Variants in E2F7 observed in about 807,000 individuals in gnomAD.
E2F7 encodes transcription factor E2F7.
Under a neutral mutation model 81.1 loss-of-function variants are expected in E2F7, and 35 were observed. The ratio of observed to expected loss-of-function variants is 0.43; its 90% CI spans 0.33 to 0.57. E2F7 has a LOEUF of 0.57. Among genes scored for constraint, E2F7 ranks in the 20% least tolerant of loss-of-function variants. The pLI, the probability that E2F7 is intolerant of heterozygous loss-of-function variation, is 0.04. For synonymous variants in E2F7, 416 were observed against 416.2 expected (o/e 1.00, Z 0.01); for missense variants, 961 against 1,093.7 (o/e 0.88, Z 1.71).
intron 6 of E2F7, chr12:77,044,429 C>G: frequency 1.6e-6 from 1 of 607,054 alleles, no homozygotes. Flanking sequence ...CTGAAACCAC[C>G]GAGGAAAAGG....
Position 77,033,908 on chromosome 12 carries a change from T to C in E2F7, c.1258A>G (p.Ile420Val), listed in dbSNP as rs1383913726. The C allele has an allele frequency of 3.1e-6, 5 of 1,613,918 alleles. No individual in the cohort carries two copies. Among genetic ancestry groups the C allele is most frequent in the Non-Finnish European group, 3.4e-6 (4 of 1,179,966 alleles). Residue 420 changes from isoleucine (I) to valine (V), a missense_variant, in exon 8 of 13, where the codon ATC becomes GTC. Transcript: ENST00000322886. Reference sequence around the variant, plus strand: ...GGTTCTGAGTTCACTTTCCTCTGGATCCTCTCAGAAGCCTGAACTGTGTTA... The same window carrying C: ...GGTTCTGAGTTCACTTTCCTCTGGACCCTCTCAGAAGCCTGAACTGTGTTA... ...SFNTVQASER[I>V]QRKVNSEPSS...
chr12:77,032,716 T>C (rs1253874466), intron 9 of E2F7, among the ~76,000 whole-genome samples: 2 of 152,204 alleles, frequency 1.3e-5, no homozygotes, highest in Non-Finnish European at 2.9e-5. Flanking sequence ...TGGTAGTTAG[T>C]GGCAAAACCA....
chr12:77,032,447 T>C (rs1954814926), intron 9 of E2F7, among the ~76,000 whole-genome samples: 1 of 152,224 alleles, frequency 6.6e-6, no homozygotes. Context: ...CTTTTCTAAT[T>C]ACTCTGTTTA....
intron 3 of E2F7, among the ~76,000 whole-genome samples, chr12:77,052,823 CA>C (rs61543636): frequency 8.0e-5 from 12 of 149,662 alleles, no homozygotes; most frequent in Admixed American, 4.0e-4. Context: ...ATCAACATGA[CA>C]AAAAAAAACC....
intron 4 of E2F7, among the ~76,000 whole-genome samples, chr12:77,047,594 C>A (rs539428707): frequency 1.4e-4 from 21 of 152,304 alleles, no homozygotes; most frequent in African/African-American, 5.1e-4. Flanking sequence ...GTTATATAAT[C>A]AGGGCAGACT....
chr12:77,050,734 A>C lies in E2F7; in HGVS notation c.380T>G (p.Val127Gly), dbSNP rs763032704. Residue 127 changes from valine to glycine, a missense_variant, in exon 4 of 13, where the codon GTT (valine) becomes GGT (glycine). Physicochemically the swap from Val to Gly is moderately radical, Grantham distance 109 (BLOSUM62 -3). This residue lies in a region of E2F7 where 301 missense variants were observed against 405.0 expected (regional missense o/e 0.74). Coordinates refer to ENST00000322886, the MANE Select transcript of E2F7 (RefSeq NM_203394.3). ...AFTDSLQLDV[V>G]GDSAVDEFEK... ...AAATTCGTCCACAGCACTGTCCCCA[A>C]CAACATCAAGCTACAGAGGGCAGAT... The C allele has an allele frequency of 9.3e-6, 15 of 1,613,334 alleles. No individual in the cohort carries two copies. Among genetic ancestry groups the C allele is most frequent in the Non-Finnish European group, 1.2e-5 (14 of 1,179,642 alleles).
At chr12:77,028,494 G>GTC (rs1954777763) in intron 10 of E2F7, among the ~76,000 whole-genome samples, 1 of 149,726 alleles carries the variant, frequency 6.7e-6, no homozygotes, top group Non-Finnish European at 1.5e-5. Context: ...TTGAGACAGA[G>GTC]TCTCGCTCTG....
At chr12:77,048,932 T>C (rs1206332287) in intron 4 of E2F7, among the ~76,000 whole-genome samples, 1 of 152,178 alleles carries the variant, frequency 6.6e-6, no homozygotes, top group African/African-American at 2.4e-5. Flanking sequence ...ATGGAAGAAG[T>C]AGGCTTCATG....
intron 1 of E2F7, among the ~76,000 whole-genome samples, chr12:77,065,137 G>C (rs1475264555): frequency 6.6e-6 from 1 of 152,210 alleles, no homozygotes; most frequent in Non-Finnish European, 1.5e-5. Context: ...AAAGCTCCAA[G>C]TTGTGGGGAA....
At chr12:77,033,222 C>T in intron 8 of E2F7, 100 bp from the exon 9 acceptor site, 1 of 1,057,548 alleles carries the variant, frequency 9.5e-7, no homozygotes, top group Non-Finnish European at 1.4e-6. Flanking sequence ...ATTCTCAGCT[C>T]AAAGATTACT....
intron 12 of E2F7, among the ~76,000 whole-genome samples, chr12:77,025,294 C>A (rs310832): frequency 6.6e-6 from 1 of 152,096 alleles, no homozygotes; most frequent in East Asian, 1.9e-4. Context: ...AAAATCCCCC[C>A]GAACTATGCC....
rs1414710662 is a variant in E2F7, at chr12:77,022,520, AT to A, written c.*1494del. On this transcript the variant is annotated 3_prime_UTR_variant, in exon 13 of 13. Coordinates refer to ENST00000322886, the MANE Select transcript of E2F7 (RefSeq NM_203394.3). ...GACTCCCAGAGTCTCTTAAATTAAT[AT>A]TTTCATTCTTTCATATAACATTTTA... The A allele has an allele frequency of 1.3e-5, 2 of 152,514 alleles. No homozygotes were observed. The highest frequency in any genetic ancestry group is 2.9e-5 in the Non-Finnish European group (2 of 68,016). The allele number at this position is 152,514 out of a possible 1,614,324, so 9.4% of individuals were successfully genotyped here.
chr12:77,025,028 G>T (rs372904113), intron 12 of E2F7, among the ~76,000 whole-genome samples: 1 of 146,052 alleles, frequency 6.8e-6, no homozygotes, highest in East Asian at 1.9e-4. Flanking sequence ...TGTTTTCTGC[G>T]TATGTATAGA....
intron 2 of E2F7, among the ~76,000 whole-genome samples, chr12:77,060,233 T>C (rs1254394459): frequency 1.3e-5 from 2 of 151,970 alleles, no homozygotes; most frequent in East Asian, 1.9e-4. Flanking sequence ...TCCATTAGAG[T>C]GTCCTGTGAA....
intron 10 of E2F7, among the ~76,000 whole-genome samples, chr12:77,028,425 C>A (rs1376151048): frequency 1.3e-5 from 2 of 151,824 alleles, no homozygotes; most frequent in African/African-American, 4.8e-5. Context: ...CTCCTGACCT[C>A]AGGTGATCCG....
chr12:77,044,913 T>C (rs1198989916), intron 5 of E2F7, 118 bp from the exon 6 acceptor site: 8 of 1,195,974 alleles, frequency 6.7e-6, no homozygotes, highest in African/African-American at 3.1e-5. Context: ...ACCCTTGTCA[T>C]TGGCAGAAGC....
At chr12:77,063,550 CCA>C (rs57706065) in intron 2 of E2F7, among the ~76,000 whole-genome samples, 16,929 of 152,164 alleles carry the variant, frequency 0.11, 1,797 homozygotes, top group East Asian at 0.54. Context: ...TCACTATTAT[CCA>C]CAGTTTCAGG....
At chr12:77,045,950 G>C in intron 5 of E2F7, 88 bp downstream of exon 5, 2 of 1,502,058 alleles carry the variant, frequency 1.3e-6, no homozygotes, top group South Asian at 1.3e-5. Flanking sequence ...TTGTCAACCT[G>C]GCACTTCCCA....
At position 77,024,187 on chromosome 12, in the gene E2F7, T is replaced by C. The variant is rs1412534129; in HGVS notation, c.2566-2A>G. ...CTTGGGGGTCACTGGAACTGGTGACTGAAAAAAGAAAAAAGAAAAAACAGA... is the reference window on the plus strand; with the variant it reads ...CTTGGGGGTCACTGGAACTGGTGACCGAAAAAAGAAAAAAGAAAAAACAGA... On this transcript the variant is annotated splice_acceptor_variant, in intron 12 of 12. Transcript: ENST00000322886. LOFTEE classifies it high-confidence loss of function. 6.2e-7 allele frequency: 1 copy of C among 1,607,286 alleles called. No individual in the cohort carries two copies. Among genetic ancestry groups the C allele is most frequent in the East Asian group, 2.2e-5 (1 of 44,842 alleles).
Sources: allele counts gnomAD v4.1 joint callset (sites outside exome capture counted in the v4.1 genomes callset), GRCh38; gene constraint gnomAD v4.1.1; regional missense constraint gnomAD v4.1.1; transcripts MANE v1.5; gene names NCBI Gene and HGNC (gene_info 2026-07-23, HGNC 2026-07-21).